The following CDCA8 variants were observed in gnomAD, a reference collection of about 807,000 sequenced individuals.
CDCA8 encodes cell division cycle associated 8.
Under a neutral mutation model 40.0 loss-of-function variants are expected in CDCA8, and 25 were observed. The observed-to-expected ratio is 0.63, with a 90% confidence interval of 0.46 to 0.87. The LOEUF (loss-of-function observed/expected upper bound fraction) is 0.87. CDCA8 is among the 40% of genes least tolerant of loss of function. The pLI is 0.00. For missense variants in CDCA8, 280 were observed against 348.4 expected, an observed-to-expected ratio of 0.80 and a Z score of 1.56; for synonymous variants, 111 against 126.5, an observed-to-expected ratio of 0.88 and a Z score of 0.82.
intron 9 of CDCA8, 78 bp downstream of exon 9, chr1:37,707,142 T>G: frequency 9.4e-7 from 1 of 1,059,356 alleles, no homozygotes; most frequent in Non-Finnish European, 1.5e-6. Flanking sequence ...GATTGTCTTT[T>G]GGGCCTGGGC....
At chr1:37,694,618 G>A (rs1483787123) in intron 2 of CDCA8, among the ~76,000 whole-genome samples, 1 of 152,230 alleles carries the variant, frequency 6.6e-6, no homozygotes, top group Non-Finnish European at 1.5e-5. Flanking sequence ...GATGGGCATT[G>A]TACCAAGTGT....
chr1:37,708,749 C>T lies in CDCA8; in HGVS notation c.*383C>T, dbSNP rs1569586816. ...TTCTCAGGAAGACTGCCTCCACCAC[C>T]GCTACCCAGAGAACCTCTGCATCTG... On this transcript the variant is annotated 3_prime_UTR_variant, in exon 10 of 10. Coordinates refer to ENST00000373055, the MANE Select transcript of CDCA8 (RefSeq NM_001256875.2). The T allele has an allele frequency of 3.4e-6, 1 of 295,224 alleles. No individual in the cohort carries two copies. Among genetic ancestry groups the T allele is most frequent in the Non-Finnish European group, 6.6e-6 (1 of 150,472 alleles). 18.3% of individuals were successfully genotyped at this position (295,224 alleles called of 1,614,324 possible).
intron 7 of CDCA8, among the ~76,000 whole-genome samples, chr1:37,703,851 TA>T (rs1179789171): frequency 6.6e-6 from 1 of 152,206 alleles, no homozygotes; most frequent in African/African-American, 2.4e-5. Flanking sequence ...AATGATTCTT[TA>T]ATGGGAGGGA....
At chr1:37,700,674 A>C (rs1469847929) in intron 5 of CDCA8, among the ~76,000 whole-genome samples, 153 bp downstream of exon 5, 1 of 152,228 alleles carries the variant, frequency 6.6e-6, no homozygotes, top group Non-Finnish European at 1.5e-5. Flanking sequence ...ACTGGTGTGC[A>C]AAGTGTGTAG....
intron 8 of CDCA8, among the ~76,000 whole-genome samples, chr1:37,706,352 C>T (rs1173196833): frequency 2.6e-5 from 4 of 151,954 alleles, no homozygotes; most frequent in African/African-American, 9.7e-5. Context: ...AGGTGATCCA[C>T]ACACCTCAGC....
rs947832729 is a variant in CDCA8, at chr1:37,708,450, G to C, written c.*84G>C. 2 of 1,330,604 alleles carry C rather than the reference G, an allele frequency of 1.5e-6. No homozygotes were observed. Among genetic ancestry groups the C allele is most frequent in the Non-Finnish European group, 2.2e-6 (2 of 924,008 alleles). 82.4% of individuals were successfully genotyped at this position (1,330,604 alleles called of 1,614,324 possible). The stretch of plus-strand genomic sequence containing the variant: ...TCTTCCCTTCAGGCTTATTGTTTGA[G>C]TGTGAAGTTCCAGAGCAAGGAGCCA... On this transcript the variant is annotated 3_prime_UTR_variant, in exon 10 of 10. Transcript: ENST00000373055.
intron 7 of CDCA8, among the ~76,000 whole-genome samples, chr1:37,704,384 A>C (rs781342005): frequency 6.6e-6 from 1 of 152,220 alleles, no homozygotes; most frequent in Non-Finnish European, 1.5e-5. Context: ...ACCAAATAGG[A>C]GATGCTGTAT....
chr1:37,699,024 C>T, intron 4 of CDCA8, 47 bp downstream of exon 4: 2 of 1,378,388 alleles, frequency 1.5e-6, no homozygotes, highest in South Asian at 2.3e-5. Context: ...AACTGAGGCT[C>T]AGGTTGCTTG....
chr1:37,706,808 T>C (rs1435431149), intron 8 of CDCA8, among the ~76,000 whole-genome samples, 170 bp from the exon 9 acceptor site: 1 of 152,230 alleles, frequency 6.6e-6, no homozygotes, highest in Non-Finnish European at 1.5e-5. Context: ...TCCACCCTAG[T>C]GATAGTGCTG....
intron 8 of CDCA8, among the ~76,000 whole-genome samples, chr1:37,705,810 G>GTTTTT (rs35363414): frequency 7.7e-6 from 1 of 129,116 alleles, no homozygotes; most frequent in African/African-American, 3.0e-5. Context: ...TTTTTTGTGG[G>GTTTTT]TTTTTTTTTT....
intron 6 of CDCA8, among the ~76,000 whole-genome samples, chr1:37,702,573 G>GAGCAGCGC (rs1246031634): frequency 4.6e-5 from 7 of 152,154 alleles, no homozygotes; most frequent in Admixed American, 3.3e-4. Context: ...CATTTCTCTT[G>GAGCAGCGC]AGCAGTGCAG....
At chr1:37,700,776 A>C (rs1334203461) in intron 5 of CDCA8, among the ~76,000 whole-genome samples, 1 of 152,226 alleles carries the variant, frequency 6.6e-6, no homozygotes, top group Non-Finnish European at 1.5e-5. Flanking sequence ...GCTAGAGAAG[A>C]AAGGGAAGAG....
rs1166126690 is a variant in CDCA8, at chr1:37,700,524, A to G, written c.423+3A>G. On this transcript the variant is annotated splice_donor_region_variant and intron_variant, in intron 5 of 9. Coordinates refer to ENST00000373055, the MANE Select transcript of CDCA8 (RefSeq NM_001256875.2). ...GTAAGAATCTTCAAACTGCAAGAGT[A>G]AGTGGACACTGAGGTTGGAGGCTGG... The G allele has an allele frequency of 1.3e-6, 2 of 1,580,110 alleles. No homozygotes were observed. Among genetic ancestry groups the G allele is most frequent in the Non-Finnish European group, 1.7e-6 (2 of 1,149,254 alleles).
chr1:37,705,814 T>G (rs1050424718), intron 8 of CDCA8, among the ~76,000 whole-genome samples: 1 of 148,384 alleles, frequency 6.7e-6, no homozygotes, highest in African/African-American at 2.5e-5. Flanking sequence ...TTGTGGGTTT[T>G]TTTTTTTTTT....
rs1007749766 is a variant in CDCA8 at position 37,706,907 on chromosome 1, A to G, written c.712-71A>G. The G allele has an allele frequency of 2.6e-6, 3 of 1,153,476 alleles. No individual in the cohort carries two copies. The African/African-American group carries it at 4.6e-5, about 18-fold the overall frequency. 71.5% of individuals were successfully genotyped at this position (1,153,476 alleles called of 1,614,324 possible). Reference sequence around the variant, plus strand: ...GCCATTCCCCACCACTAAGTGCAGGATATCAGGGGAACCTAGGGGTTCCGG... The same window carrying G: ...GCCATTCCCCACCACTAAGTGCAGGGTATCAGGGGAACCTAGGGGTTCCGG... On this transcript the variant is annotated intron_variant, in intron 8 of 9. Transcript: ENST00000373055.
At chr1:37,707,126 A>G in intron 9 of CDCA8, 62 bp downstream of exon 9, 1 of 1,227,866 alleles carries the variant, frequency 8.1e-7, no homozygotes, top group Non-Finnish European at 1.2e-6. Flanking sequence ...GGCTACCTTT[A>G]TTTAGGATTG....
At chr1:37,698,354 G>A (rs1645541131) in intron 3 of CDCA8, among the ~76,000 whole-genome samples, 1 of 152,224 alleles carries the variant, frequency 6.6e-6, no homozygotes, top group Non-Finnish European at 1.5e-5. Context: ...ACAGTTCAAG[G>A]TAGCAGTGTT....
chr1:37,699,815 G>A (rs1485194686), intron 4 of CDCA8, among the ~76,000 whole-genome samples: 1 of 152,054 alleles, frequency 6.6e-6, no homozygotes, highest in Non-Finnish European at 1.5e-5. Flanking sequence ...AGCTACTTGG[G>A]AGGCTGAGAC....
chr1:37,694,305 G>A (rs963277046), intron 2 of CDCA8, among the ~76,000 whole-genome samples: 1 of 152,156 alleles, frequency 6.6e-6, no homozygotes, highest in African/African-American at 2.4e-5. Flanking sequence ...CTCCTTCCTG[G>A]ATAGAAATGC....
Sources: gnomAD v4.1 joint callset for allele counts (sites outside exome capture counted in the v4.1 genomes callset) on GRCh38, gnomAD v4.1.1 for gene constraint, MANE v1.5 for transcripts, NCBI Gene and HGNC (gene_info 2026-07-23, HGNC 2026-07-21) for gene names.